The following RAB3C variants were observed in gnomAD, a reference collection of about 807,000 sequenced individuals.
The protein encoded by RAB3C is RAB3C, member RAS oncogene family.
A neutral mutation model predicts 26.4 loss-of-function variants in RAB3C; 17 were observed. The ratio of observed to expected loss-of-function variants is 0.64; its 90% CI spans 0.44 to 0.97. The LOEUF (loss-of-function observed/expected upper bound fraction) is 0.97. Ranked by LOEUF, RAB3C falls within the 50% of genes least tolerant of loss-of-function variation. The pLI is 0.00. For missense variants in RAB3C, 242 were observed against 281.9 expected, an observed-to-expected ratio of 0.86 and a Z score of 1.01; for synonymous variants, 91 against 95.9, an observed-to-expected ratio of 0.95 and a Z score of 0.30.
intron 2 of RAB3C, among the ~76,000 whole-genome samples, chr5:58,649,432 C>A (rs1376790206): frequency 6.6e-6 from 1 of 151,974 alleles, no homozygotes; most frequent in Non-Finnish European, 1.5e-5. Flanking sequence ...TCCTTTGGAC[C>A]TGATGATTGG....
At chr5:58,834,370 TTC>T (rs1743687513) in intron 4 of RAB3C, among the ~76,000 whole-genome samples, 1 of 152,220 alleles carries the variant, frequency 6.6e-6, no homozygotes, top group Non-Finnish European at 1.5e-5. Context: ...GGTTTTTTCC[TTC>T]AGTTTTAATC....
intron 4 of RAB3C, among the ~76,000 whole-genome samples, chr5:58,829,050 C>T (rs770982551): frequency 1.3e-5 from 2 of 151,746 alleles, no homozygotes; most frequent in Admixed American, 6.6e-5. Context: ...ACTACTGGCA[C>T]GTGCCACCAC....
intron 3 of RAB3C, among the ~76,000 whole-genome samples, chr5:58,821,049 G>A (rs1159044679): frequency 6.6e-6 from 1 of 152,160 alleles, no homozygotes; most frequent in Non-Finnish European, 1.5e-5. Flanking sequence ...CCTGACTTGG[G>A]TTTATACAGT....
chr5:58,735,780 C>T (rs1262235373), intron 3 of RAB3C, among the ~76,000 whole-genome samples: 11 of 152,182 alleles, frequency 7.2e-5, no homozygotes, highest in Admixed American at 7.2e-4. Flanking sequence ...GGCTCCACAC[C>T]TCTTGCACCC....
At chr5:58,627,188 C>T (rs1203224386) in intron 2 of RAB3C, among the ~76,000 whole-genome samples, 1 of 152,176 alleles carries the variant, frequency 6.6e-6, no homozygotes, top group Non-Finnish European at 1.5e-5. Flanking sequence ...AGCTGTAATT[C>T]ACCTATTGGG....
rs1744328470 is a variant in RAB3C, at chr5:58,859,119, T to C, written c.*7768T>C. The stretch of plus-strand genomic sequence containing the variant: ...TTGAAAACAGCTTAATGCTTTCATA[T>C]AGTGACCGACATTTAGTTGAAAACT... On this transcript the variant is annotated 3_prime_UTR_variant, in exon 5 of 5. Coordinates refer to ENST00000282878, the MANE Select transcript of RAB3C (RefSeq NM_138453.4). The C allele has an allele frequency of 6.6e-6, 1 of 152,232 alleles. No individual in the cohort carries two copies. The highest frequency in any genetic ancestry group is 1.5e-5 in the Non-Finnish European group (1 of 68,044). 9.4% of individuals were successfully genotyped at this position (152,232 alleles called of 1,614,324 possible).
At chr5:58,821,468 A>C (rs180753071) in intron 3 of RAB3C, among the ~76,000 whole-genome samples, 9 of 152,328 alleles carry the variant, frequency 5.9e-5, no homozygotes, top group Admixed American at 3.9e-4. Context: ...AGTGGAATTT[A>C]TTTTACACCC....
At chr5:58,770,978 A>G (rs1384181519) in intron 3 of RAB3C, among the ~76,000 whole-genome samples, 5 of 152,184 alleles carry the variant, frequency 3.3e-5, no homozygotes, top group Non-Finnish European at 7.4e-5. Flanking sequence ...ATATTTAAAG[A>G]ATACTTCAAG....
chr5:58,701,566 C>T (rs1266856515), intron 2 of RAB3C, among the ~76,000 whole-genome samples: 1 of 152,058 alleles, frequency 6.6e-6, no homozygotes, highest in Non-Finnish European at 1.5e-5. Context: ...GGCTTGAAAC[C>T]ACAAAAATGT....
chr5:58,622,634 C>T (rs893448558), intron 2 of RAB3C, among the ~76,000 whole-genome samples: 3 of 152,194 alleles, frequency 2.0e-5, no homozygotes, highest in African/African-American at 7.2e-5. Context: ...GCTCAACCTC[C>T]TCATTTGATG....
chr5:58,763,384 T>G (rs1353336180), intron 3 of RAB3C, among the ~76,000 whole-genome samples: 5 of 152,214 alleles, frequency 3.3e-5, no homozygotes, highest in African/African-American at 9.7e-5. Context: ...TTCTCTAAGC[T>G]TCTTTCCAGT....
At chr5:58,641,673 G>T (rs962463103) in intron 2 of RAB3C, among the ~76,000 whole-genome samples, 2 of 152,170 alleles carry the variant, frequency 1.3e-5, no homozygotes, top group African/African-American at 2.4e-5. Flanking sequence ...GGAGTTTGCT[G>T]TCTGCTCTGT....
In RAB3C at chr5:58,851,296, A is replaced by G; in HGVS notation, c.629A>G (p.Gln210Arg). The G allele has an allele frequency of 1.2e-6, 2 of 1,613,110 alleles. No individual in the cohort carries two copies. Among genetic ancestry groups the G allele is most frequent in the Non-Finnish European group, 1.7e-6 (2 of 1,179,726 alleles). Residue 210 changes from glutamine (Q) to arginine (R), a missense_variant, in exon 5 of 5, where the codon CAG becomes CGG. Physicochemically the swap from Gln to Arg is conservative, Grantham distance 43. Coordinates refer to ENST00000282878, the MANE Select transcript of RAB3C (RefSeq NM_138453.4). ...GATCCTGCCATCACTGCTGCAAAGC[A>G]GAACACGAGACTCAAGGAAACTCCT... Reference protein sequence around the residue: ...ETDPAITAAKQNTRLKETPPP... With the variant: ...ETDPAITAAKRNTRLKETPPP...
At chr5:58,837,947 T>C (rs1019467648) in intron 4 of RAB3C, among the ~76,000 whole-genome samples, 4 of 152,254 alleles carry the variant, frequency 2.6e-5, no homozygotes, top group African/African-American at 9.6e-5. Flanking sequence ...TTGTCCATAG[T>C]AGTCTCTTAT....
chr5:58,794,602 T>C (rs1742602261), intron 3 of RAB3C: 1 of 152,202 alleles, frequency 6.6e-6, no homozygotes, highest in Non-Finnish European at 1.5e-5. Flanking sequence ...CTATTCAGTT[T>C]CATCATGTAA....
chr5:58,686,984 CCATTTTAAAACCT>C (rs1298531932), intron 2 of RAB3C, among the ~76,000 whole-genome samples: 1 of 151,992 alleles, frequency 6.6e-6, no homozygotes, highest in Non-Finnish European at 1.5e-5. Context: ...GAAAAACTTT[CCATTTTAAAACCT>C]CAAAGTCATT....
chr5:58,730,610 A>G (rs1170634511), intron 3 of RAB3C, among the ~76,000 whole-genome samples: 1 of 152,174 alleles, frequency 6.6e-6, no homozygotes, highest in African/African-American at 2.4e-5. Flanking sequence ...GCTGAGCTGC[A>G]GCTAAAGTTT....
Position 58,665,521 on chromosome 5 carries a change from C to T in RAB3C, c.252+47651C>T, listed in dbSNP as rs146900218. Among the ~76,000 whole-genome samples, 275 of 152,154 alleles carry T rather than the reference C, an allele frequency of 1.8e-3. 1 individual carries two copies. Among genetic ancestry groups the T allele is most frequent in the African/African-American group, 6.3e-3 (263 of 41,506 alleles). ...TTGGGCTCTACCAGGAAACAGAAGA[C>T]TATTTATTAGTACCAAAGAAAGGTA... On this transcript the variant is annotated intron_variant, in intron 2 of 4. Coordinates refer to ENST00000282878, the MANE Select transcript of RAB3C (RefSeq NM_138453.4).
At chr5:58,708,553 G>C (rs377382555) in intron 2 of RAB3C, among the ~76,000 whole-genome samples, 5 of 152,150 alleles carry the variant, frequency 3.3e-5, no homozygotes, top group African/African-American at 1.2e-4. Flanking sequence ...ATCAGTAGAG[G>C]CCAGTGCATC....
Sources: gnomAD v4.1 joint callset for allele counts (sites outside exome capture counted in the v4.1 genomes callset) on GRCh38, gnomAD v4.1.1 for gene constraint, MANE v1.5 for transcripts, NCBI Gene and HGNC (gene_info 2026-07-23, HGNC 2026-07-21) for gene names.